The following RBM20 variants were observed in gnomAD, a reference collection of about 807,000 sequenced individuals.
RBM20 encodes RNA-binding protein 20.
A neutral mutation model predicts 110.1 loss-of-function variants in RBM20; 51 were observed. The ratio of observed to expected loss-of-function variants is 0.46; its 90% CI spans 0.37 to 0.59. The LOEUF (loss-of-function observed/expected upper bound fraction) is 0.59, where lower values mean the gene tolerates loss of function less well. Among genes scored for constraint, RBM20 ranks in the 20% least tolerant of loss-of-function variants. RBM20 has a pLI of 0.00. For missense variants in RBM20, 1,512 were observed against 1,574.9 expected, an observed-to-expected ratio of 0.96 and a Z score of 0.68; for synonymous variants, 589 against 618.2, an observed-to-expected ratio of 0.95 and a Z score of 0.70.
intron 13 of RBM20, among the ~76,000 whole-genome samples, chr10:110,831,941 CCATCATTTGTAAGGCA>C (rs1845061697): frequency 1.3e-5 from 2 of 152,160 alleles, no homozygotes; most frequent in South Asian, 4.2e-4. Flanking sequence ...GTCTAAGGTG[CCATCATTTGTAAGGCA>C]CCACTATTTT....
intron 1 of RBM20, among the ~76,000 whole-genome samples, chr10:110,737,195 A>AAAAAAAAAAAAAAAAC (rs1843681523): frequency 7.0e-6 from 1 of 143,718 alleles, no homozygotes; most frequent in African/African-American, 2.5e-5. Context: ...AAAAAAAAAA[A>AAAAAAAAAAAAAAAAC]AACACCCCAC....
chr10:110,812,375 A>G lies in RBM20; in HGVS notation c.1978A>G (p.Ser660Gly). ...CTTCACCTCCTGCAGCTCTTCCCAC[A>G]GCCCTCCGGGCCCCTCCCGGGCTGA... Reference protein sequence around the residue: ...PSFTSCSSSHSPPGPSRADWG... With the variant: ...PSFTSCSSSHGPPGPSRADWG... Residue 660 changes from serine (S) to glycine (G), a missense_variant, in exon 9 of 14, where the codon AGC becomes GGC. Transcript: ENST00000369519. 6.4e-7 allele frequency: 1 copy of G among 1,551,662 alleles called. No homozygotes were observed. The highest frequency in any genetic ancestry group is 8.7e-7 in the Non-Finnish European group (1 of 1,147,010).
intron 11 of RBM20, among the ~76,000 whole-genome samples, 190 bp downstream of exon 11, chr10:110,822,125 C>T (rs1038914240): frequency 4.6e-5 from 7 of 152,192 alleles, no homozygotes; most frequent in Non-Finnish European, 1.0e-4. Context: ...TGATTTTAGG[C>T]AAGTGGTGTA....
intron 7 of RBM20, among the ~76,000 whole-genome samples, chr10:110,803,383 C>T (rs1048676888): frequency 9.9e-5 from 15 of 152,204 alleles, no homozygotes; most frequent in African/African-American, 2.4e-4. Context: ...CTTATAGTCA[C>T]CCAGCCAAGA....
At chr10:110,733,786 C>A (rs554254295) in intron 1 of RBM20, among the ~76,000 whole-genome samples, 1 of 152,192 alleles carries the variant, frequency 6.6e-6, no homozygotes, top group South Asian at 2.1e-4. Context: ...CTTTCACTCT[C>A]GCTCTAAAGA....
intron 1 of RBM20, among the ~76,000 whole-genome samples, chr10:110,691,956 G>A (rs1311469052): frequency 1.3e-5 from 2 of 152,022 alleles, no homozygotes; most frequent in African/African-American, 4.8e-5. Context: ...TTTGCATATT[G>A]TGTAAGGATC....
At chr10:110,833,914 C>T (rs1845090518) in intron 13 of RBM20, among the ~76,000 whole-genome samples, 1 of 152,182 alleles carries the variant, frequency 6.6e-6, no homozygotes, top group Admixed American at 6.5e-5. Flanking sequence ...CACAGCCTCC[C>T]CCACCCCAAG....
At chr10:110,702,257 CA>C (rs779281725) in intron 1 of RBM20, among the ~76,000 whole-genome samples, 3 of 152,222 alleles carry the variant, frequency 2.0e-5, no homozygotes, top group Non-Finnish European at 4.4e-5. Flanking sequence ...GAGAGCGTAT[CA>C]GCTGAGTGTG....
chr10:110,705,203 C>G (rs759763925), intron 1 of RBM20, among the ~76,000 whole-genome samples: 1 of 152,144 alleles, frequency 6.6e-6, no homozygotes, highest in Admixed American at 6.5e-5. Flanking sequence ...ATGTGTTTGA[C>G]GCCTGGAACA....
intron 13 of RBM20, chr10:110,835,340 T>TTTTTTTTTTTTTTTTTTTTTTTC (rs1564669645): frequency 9.2e-5 from 2 of 21,760 alleles, no homozygotes; most frequent in African/African-American, 1.2e-4. Flanking sequence ...TTTTTTTTTC[T>TTTTTTTTTTTTTTTTTTTTTTTC]TTTTTTTTTT....
intron 1 of RBM20, among the ~76,000 whole-genome samples, chr10:110,727,413 A>T (rs527753123): frequency 2.7e-5 from 2 of 73,160 alleles, no homozygotes; most frequent in Non-Finnish European, 5.3e-5. Flanking sequence ...AAATAAAAAT[A>T]AAAAAAAAAT....
intron 1 of RBM20, among the ~76,000 whole-genome samples, chr10:110,710,011 G>C (rs1862901060): frequency 6.6e-6 from 1 of 152,106 alleles, no homozygotes; most frequent in Non-Finnish European, 1.5e-5. Context: ...ACGTCCTCCA[G>C]ACCAGCTTTG....
chr10:110,829,283 C>T (rs1845019478), intron 12 of RBM20, among the ~76,000 whole-genome samples: 1 of 152,240 alleles, frequency 6.6e-6, no homozygotes, highest in South Asian at 2.1e-4. Flanking sequence ...AGCCAGGAGC[C>T]AGGACCTGTT....
chr10:110,754,721 G>T (rs1257354792), intron 1 of RBM20, among the ~76,000 whole-genome samples: 2 of 152,064 alleles, frequency 1.3e-5, no homozygotes, highest in African/African-American at 4.8e-5. Context: ...TACAGTTTTT[G>T]GTGCTCTGCA....
intron 1 of RBM20, among the ~76,000 whole-genome samples, chr10:110,659,991 A>AT (rs1429551566): frequency 5.3e-5 from 8 of 150,000 alleles, no homozygotes; most frequent in Non-Finnish European, 7.4e-5. Flanking sequence ...TTTTTTTTGT[A>AT]TTTTTTTGTA....
chr10:110,691,820 T>C (rs1862590051), intron 1 of RBM20, among the ~76,000 whole-genome samples: 1 of 152,192 alleles, frequency 6.6e-6, no homozygotes, highest in Admixed American at 6.5e-5. Flanking sequence ...GCCTGCGCCT[T>C]TTGTGTCATA....
At chr10:110,749,284 T>C (rs1020649275) in intron 1 of RBM20, among the ~76,000 whole-genome samples, 5 of 152,214 alleles carry the variant, frequency 3.3e-5, no homozygotes, top group Non-Finnish European at 5.9e-5. Context: ...TTTTATTATA[T>C]GTAATACTTT....
chr10:110,687,057 AG>A (rs1401946504), intron 1 of RBM20, among the ~76,000 whole-genome samples: 3 of 151,640 alleles, frequency 2.0e-5, no homozygotes, highest in African/African-American at 7.3e-5. Flanking sequence ...AAAAAAAAAA[AG>A]AAAAAATTTG....
In RBM20 at chr10:110,771,665, G is replaced by C. The variant is rs1443681023; in HGVS notation, c.192-9136G>C. Among the ~76,000 whole-genome samples, 4 of 152,210 alleles carry C rather than the reference G, an allele frequency of 2.6e-5. No homozygotes were observed. In the East Asian group the frequency reaches 7.7e-4, roughly 29 times the overall value. On this transcript the variant is annotated intron_variant, in intron 1 of 13. Coordinates refer to ENST00000369519, the MANE Select transcript of RBM20 (RefSeq NM_001134363.3). ...ATGAAAGGGACATCAGTGCACACTGGATGGGAGCAGAAACCAGAGAAGGCT... is the reference window on the plus strand; with the variant it reads ...ATGAAAGGGACATCAGTGCACACTGCATGGGAGCAGAAACCAGAGAAGGCT...
Sources: gnomAD v4.1 joint callset for allele counts (sites outside exome capture counted in the v4.1 genomes callset) on GRCh38, gnomAD v4.1.1 for gene constraint, MANE v1.5 for transcripts, NCBI Gene and HGNC (gene_info 2026-07-23, HGNC 2026-07-21) for gene names.